The following BCCIP variants were observed in gnomAD, a reference collection of about 807,000 sequenced individuals.
The protein encoded by BCCIP is BRCA2 and CDKN1A interacting protein.
A neutral mutation model predicts 32.8 loss-of-function variants in BCCIP; 23 were observed. That is an observed-to-expected ratio of 0.70 (90% CI 0.51 to 0.99). The LOEUF (loss-of-function observed/expected upper bound fraction) is 0.99. BCCIP is among the 50% of genes least tolerant of loss of function. BCCIP has a pLI of 0.00. For synonymous variants in BCCIP, 144 were observed against 137.6 expected (o/e 1.05, Z -0.33); for missense variants, 378 against 379.8 (o/e 1.00, Z 0.04).
At chr10:125,834,402 C>A (rs1854597844) in intron 6 of BCCIP, among the ~76,000 whole-genome samples, 1 of 152,152 alleles carries the variant, frequency 6.6e-6, no homozygotes, top group African/African-American at 2.4e-5. Flanking sequence ...TCGTGGATGT[C>A]ATCCTGCTGG....
intron 1 of BCCIP, 152 bp downstream of exon 1, chr10:125,823,874 C>G: frequency 8.8e-7 from 1 of 1,133,680 alleles, no homozygotes; most frequent in African/African-American, 1.6e-5. Flanking sequence ...TCTCCTCGGT[C>G]TTTAACACAC....
chr10:125,829,813 G>A (rs1225655143), intron 3 of BCCIP, among the ~76,000 whole-genome samples: 1 of 152,180 alleles, frequency 6.6e-6, no homozygotes, highest in African/African-American at 2.4e-5. Flanking sequence ...CTTGAAAGAG[G>A]TTATTATCTA....
At chr10:125,835,717 T>C (rs552194367) in intron 6 of BCCIP, among the ~76,000 whole-genome samples, 1 of 152,370 alleles carries the variant, frequency 6.6e-6, no homozygotes, top group East Asian at 1.9e-4. Flanking sequence ...AAAAGCCTGA[T>C]GCTAAGGAAG....
rs771023498 is a variant in BCCIP at position 125,841,965 on chromosome 10, G to A, written c.*606G>A. On this transcript the variant is annotated 3_prime_UTR_variant, in exon 7 of 7. Transcript: ENST00000299130. ...AAAGGAAAAAAATAATAATTTAAGA[G>A]TCTCATATGGCTAAGATGGAGAAAC... 21 of 1,546,182 alleles carry A rather than the reference G, an allele frequency of 1.4e-5. No individual in the cohort carries two copies. The Admixed American group carries it at 2.3e-4, about 17-fold the overall frequency.
At chr10:125,842,843 A>G, downstream of BCCIP, 1 of 895,870 alleles carries the variant, frequency 1.1e-6, no homozygotes, top group Non-Finnish European at 1.3e-6. Context: ...AAGTTTATGT[A>G]ACATCGATAA....
rs3208565 is a variant in BCCIP at position 125,841,756 on chromosome 10, T to C, written c.*397T>C. On this transcript the variant is annotated 3_prime_UTR_variant, in exon 7 of 7. Coordinates refer to the BCCIP transcript ENST00000299130. ...CATTAAGGATACCTGTTACCATGGC[T>C]GCGATTGTTAGCACTTCATCTACAC... The C allele has an allele frequency of 0.46, 746,304 of 1,610,018 alleles. 175,557 individuals are homozygous for C. Among genetic ancestry groups the C allele is most frequent in the African/African-American group, 0.58 (43,371 of 74,684 alleles).
At chr10:125,842,765 GT>G in exon 7 of BCCIP, 1 of 920,598 alleles carries the variant, frequency 1.1e-6, no homozygotes, top group Non-Finnish European at 1.3e-6. Context: ...AGACAAAGAT[GT>G]TATTTCCCAG....
At chr10:125,824,393 A>G (rs1454838073) in intron 1 of BCCIP, among the ~76,000 whole-genome samples, 1 of 152,226 alleles carries the variant, frequency 6.6e-6, no homozygotes, top group Non-Finnish European at 1.5e-5. Context: ...CAGCCTACTG[A>G]ATGTTTAAAT....
chr10:125,833,234 G>A (rs1854569307), intron 5 of BCCIP, among the ~76,000 whole-genome samples: 1 of 152,130 alleles, frequency 6.6e-6, no homozygotes, highest in Non-Finnish European at 1.5e-5. Flanking sequence ...TTAATTTTCA[G>A]AAAGAAGAAA....
At chr10:125,834,524 C>T (rs995447114) in intron 6 of BCCIP, among the ~76,000 whole-genome samples, 5 of 151,976 alleles carry the variant, frequency 3.3e-5, no homozygotes, top group African/African-American at 1.2e-4. Context: ...TGAAGTGGGC[C>T]AGGTGCGGTG....
chr10:125,823,554 C>A lies in BCCIP; in HGVS notation c.-4C>A. 1 of 1,613,316 alleles carries A rather than the reference C, an allele frequency of 6.2e-7. No individual in the cohort carries two copies. The highest frequency in any genetic ancestry group is 1.1e-5 in the South Asian group (1 of 91,028). On this transcript the variant is annotated 5_prime_UTR_variant, in exon 1 of 7. Coordinates refer to ENST00000278100, the MANE Select transcript of BCCIP (RefSeq NM_078468.3). ...AGCTGCGCAGGCGCAGTGTGAGCGG[C>A]AACATGGCGTCCAGGTCTAAGCGGC... is the stretch of plus-strand genomic sequence containing the variant.
At chr10:125,851,529 A>T (rs1944089203) in intron 7 of BCCIP, among the ~76,000 whole-genome samples, 1 of 152,184 alleles carries the variant, frequency 6.6e-6, no homozygotes, top group Non-Finnish European at 1.5e-5. Flanking sequence ...ACAGGTGGTG[A>T]TTCCTGGGCT....
intron 3 of BCCIP, among the ~76,000 whole-genome samples, chr10:125,829,968 C>T (rs1280132928): frequency 1.3e-5 from 2 of 151,244 alleles, no homozygotes; most frequent in Non-Finnish European, 2.9e-5. Flanking sequence ...CCATAGTGTT[C>T]GGTGGAGCCA....
intron 6 of BCCIP, among the ~76,000 whole-genome samples, chr10:125,834,999 G>A (rs1854625827): frequency 6.6e-6 from 1 of 151,766 alleles, no homozygotes; most frequent in African/African-American, 2.4e-5. Flanking sequence ...CGGGCGTGGT[G>A]GCACGTGCCT....
downstream of BCCIP, chr10:125,842,920 T>C (rs1205372496): frequency 2.5e-5 from 10 of 398,138 alleles, no homozygotes; most frequent in African/African-American, 2.0e-4. Context: ...TAAAGAAATA[T>C]ATTCTCTTTG....
chr10:125,831,598 A>G lies in BCCIP; in HGVS notation c.590A>G (p.Gln197Arg), dbSNP rs1854522791. ...VPPQIALPMY[Q>R]QLQKELAGAH... ...CCACAGATCGCTCTGCCCATGTACCAGCAGCTTCAGTAAGAGATTCTGGGA... is the reference window on the plus strand; with the variant it reads ...CCACAGATCGCTCTGCCCATGTACCGGCAGCTTCAGTAAGAGATTCTGGGA... The change falls in exon 5 of 7, where the codon CAG becomes CGG. Residue 197 changes from glutamine (Q) to arginine (R), a missense_variant. Physicochemically the swap from Gln to Arg is conservative, Grantham distance 43 (BLOSUM62 1). Transcript: ENST00000278100. The G allele has an allele frequency of 1.2e-6, 2 of 1,606,034 alleles. No individual in the cohort carries two copies. Among genetic ancestry groups the G allele is most frequent in the East Asian group, 4.5e-5 (2 of 44,812 alleles).
intron 5 of BCCIP, among the ~76,000 whole-genome samples, chr10:125,832,011 C>T (rs1357718693): frequency 6.6e-6 from 1 of 152,142 alleles, no homozygotes; most frequent in Non-Finnish European, 1.5e-5. Flanking sequence ...AAACCATAGT[C>T]CTGATACTGT....
At chr10:125,823,748 G>A (rs773767862) in intron 1 of BCCIP, 26 bp downstream of exon 1, 1 of 1,609,910 alleles carries the variant, frequency 6.2e-7, no homozygotes, top group East Asian at 2.2e-5. Context: ...TCCCCTAGTT[G>A]GTTTATACCT....
chr10:125,843,907 C>G (rs919878081), downstream of BCCIP, among the ~76,000 whole-genome samples: 8 of 152,206 alleles, frequency 5.3e-5, no homozygotes, highest in African/African-American at 1.9e-4. Flanking sequence ...AGTACTGAAG[C>G]AAGGCTTTCA....
Sources: gnomAD v4.1 joint callset for allele counts (sites outside exome capture counted in the v4.1 genomes callset) on GRCh38, gnomAD v4.1.1 for gene constraint, MANE v1.5 for transcripts, NCBI Gene and HGNC (gene_info 2026-07-23, HGNC 2026-07-21) for gene names.